Variants in ADAMTS9 observed in about 807,000 individuals in gnomAD.
ADAMTS9 encodes the protein A disintegrin and metalloproteinase with thrombospondin motifs 9.
In ADAMTS9, 107 loss-of-function variants were observed where a neutral mutation model predicts 257.1. The observed-to-expected ratio is 0.42, with a 90% CI of 0.36 to 0.49. The LOEUF is 0.49. Among genes scored for constraint, ADAMTS9 ranks in the 20% least tolerant of loss-of-function variants. The pLI is 0.03. For missense variants in ADAMTS9, 2,353 were observed against 2,469.1 expected, an observed-to-expected ratio of 0.95 and a Z score of 1.00; for synonymous variants, 982 against 880.9, an observed-to-expected ratio of 1.11 and a Z score of -2.03.
In ADAMTS9 at chr3:64,686,455, G is replaced by C; in HGVS notation, c.516+113C>G. 7.3e-7 allele frequency: 1 copy of C among 1,363,360 alleles called. No individual in the cohort carries two copies. The highest frequency in any genetic ancestry group is 1.5e-5 in the African/African-American group (1 of 68,042). 84.5% of individuals were successfully genotyped at this position (1,363,360 alleles called of 1,614,324 possible). The stretch of plus-strand genomic sequence containing the variant: ...AGTTTCTAGCTGATATTTAACGCCG[G>C]AGAGGAGCGGAGCCTCGCCACAGTG... On this transcript the variant is annotated intron_variant, in intron 2 of 39. Transcript: ENST00000498707. The surrounding 1 kb of genome is among the most constrained non-coding windows in gnomAD (Gnocchi z 4.6).
At chr3:64,603,791 A>T in intron 25 of ADAMTS9, 131 bp downstream of exon 25, 1 of 1,086,200 alleles carries the variant, frequency 9.2e-7, no homozygotes, top group Non-Finnish European at 1.3e-6. Flanking sequence ...AGCACAATTT[A>T]AATCATAAGA....
rs566788141 is a variant in ADAMTS9, at chr3:64,633,847, C to T, written c.1889G>A (p.Arg630His). 14 of 1,613,156 alleles carry T rather than the reference C, an allele frequency of 8.7e-6. No homozygotes were observed. The highest frequency in any genetic ancestry group is 3.3e-5 in the South Asian group (3 of 91,026). Residue 630 changes from arginine to histidine, a missense_variant, in exon 13 of 40, where the codon CGT (arginine) becomes CAT (histidine). Coordinates refer to ENST00000498707, the MANE Select transcript of ADAMTS9 (RefSeq NM_182920.2). ...GTTGCAGGACTTAAATTTCATTCTACGTCCTACACAGTATTTTCCACCATT... is the reference window on the plus strand; with the variant it reads ...GTTGCAGGACTTAAATTTCATTCTATGTCCTACACAGTATTTTCCACCATT... ...PKNGGKYCVG[R>H]RMKFKSCNTE...
intron 21 of ADAMTS9, 159 bp downstream of exon 21, chr3:64,615,162 T>C (rs2084737927): frequency 4.7e-6 from 4 of 846,258 alleles, no homozygotes; most frequent in East Asian, 2.6e-5. Context: ...ACGACAGTCA[T>C]GGTGCAGGCA....
At chr3:64,654,821 T>C (rs1052137967) in intron 6 of ADAMTS9, 12 of 583,078 alleles carry the variant, frequency 2.1e-5, no homozygotes, top group Admixed American at 1.9e-4. Context: ...TAAGAAGTTT[T>C]CTTCTGTGGT....
At chr3:64,532,588 G>A (rs1480205243) in intron 38 of ADAMTS9, among the ~76,000 whole-genome samples, 1 of 152,044 alleles carries the variant, frequency 6.6e-6, no homozygotes, top group East Asian at 1.9e-4. Flanking sequence ...GACTCACTAG[G>A]GTCTGGGACC....
At position 64,684,993 on chromosome 3, in the gene ADAMTS9, C is replaced by G. The variant is rs532213797; in HGVS notation, c.516+1575G>C. ...TGGCTTCTGCCTACCCGAGCCTTAA[C>G]CTTTCAAGGACCAGAAGGATTCCAG... On this transcript the variant is annotated intron_variant, in intron 2 of 39. Coordinates refer to ENST00000498707, the MANE Select transcript of ADAMTS9 (RefSeq NM_182920.2). The G allele has an allele frequency of 3.6e-4, 55 of 152,366 alleles. 1 individual carries two copies. The highest frequency in any genetic ancestry group is 1.3e-3 in the African/African-American group (53 of 41,556). 9.4% of individuals were successfully genotyped at this position (152,366 alleles called of 1,614,324 possible).
chr3:64,551,429 T>C (rs1252763449), intron 30 of ADAMTS9, among the ~76,000 whole-genome samples: 1 of 152,124 alleles, frequency 6.6e-6, no homozygotes, highest in African/African-American at 2.4e-5. Context: ...CAGGATGATC[T>C]CGATCTCCTG....
At chr3:64,638,385 A>G (rs566909709) in intron 12 of ADAMTS9, among the ~76,000 whole-genome samples, 46 of 152,288 alleles carry the variant, frequency 3.0e-4, no homozygotes, top group Non-Finnish European at 4.6e-4. Flanking sequence ...GGTACTGTTA[A>G]GCTATGTTTT....
At chr3:64,657,938 C>T (rs748102378) in intron 4 of ADAMTS9, among the ~76,000 whole-genome samples, 1 of 152,026 alleles carries the variant, frequency 6.6e-6, no homozygotes, top group Non-Finnish European at 1.5e-5. Flanking sequence ...AGAATGAAAG[C>T]CTCCTAGGCC....
At position 64,631,437 on chromosome 3, in the gene ADAMTS9, T is replaced by G. The variant is rs1700365238; in HGVS notation, c.2389+18A>C. On this transcript the variant is annotated intron_variant, in intron 16 of 39. Coordinates refer to ENST00000498707, the MANE Select transcript of ADAMTS9 (RefSeq NM_182920.2). ...CCATAGAACCAGAACTCGCAAGTAG[T>G]GAGGCATCCCATCTCACCTAAGTAG... The G allele has an allele frequency of 6.2e-7, 1 of 1,602,848 alleles. No homozygotes were observed. The highest frequency in any genetic ancestry group is 8.5e-7 in the Non-Finnish European group (1 of 1,169,820).
intron 32 of ADAMTS9, among the ~76,000 whole-genome samples, chr3:64,543,945 A>G (rs1463146748): frequency 6.6e-6 from 1 of 152,222 alleles, no homozygotes; most frequent in Non-Finnish European, 1.5e-5. Context: ...ACAATGTGCA[A>G]AAATCACAAG....
At chr3:64,537,753 T>G (rs1328215783) in intron 37 of ADAMTS9, among the ~76,000 whole-genome samples, 3 of 152,182 alleles carry the variant, frequency 2.0e-5, no homozygotes, top group Admixed American at 6.5e-5. Flanking sequence ...TTGACAGAGT[T>G]TAACAACAGC....
chr3:64,522,273 GCAT>G lies in ADAMTS9; in HGVS notation c.5719-16_5719-14del. Reference sequence around the variant, plus strand: ...CTCGGGTACCATCCTGCAAGGAGATGCATCATGTTAGCCTGCCTGCTTGGTTAA... The same window carrying G: ...CTCGGGTACCATCCTGCAAGGAGATGCATGTTAGCCTGCCTGCTTGGTTAA... On this transcript the variant is annotated splice_polypyrimidine_tract_variant and intron_variant, in intron 38 of 39. Coordinates refer to ENST00000498707, the MANE Select transcript of ADAMTS9 (RefSeq NM_182920.2). 6.2e-7 allele frequency: 1 copy of G among 1,612,682 alleles called. No homozygotes were observed. The highest frequency in any genetic ancestry group is 8.5e-7 in the Non-Finnish European group (1 of 1,178,804).
intron 8 of ADAMTS9, among the ~76,000 whole-genome samples, chr3:64,652,232 A>C (rs945962332): frequency 2.6e-5 from 4 of 152,184 alleles, no homozygotes; most frequent in African/African-American, 9.7e-5. Context: ...CATCATATAA[A>C]AGTTGGAATA....
chr3:64,604,849 T>TGC (rs2084530038), intron 23 of ADAMTS9, among the ~76,000 whole-genome samples: 1 of 152,230 alleles, frequency 6.6e-6, no homozygotes, highest in Admixed American at 6.5e-5. Context: ...CTGGACTTCA[T>TGC]ATAACACCCC....
chr3:64,653,203 C>T (rs1023921762), intron 8 of ADAMTS9, among the ~76,000 whole-genome samples: 6 of 152,068 alleles, frequency 3.9e-5, no homozygotes, highest in East Asian at 1.9e-4. Context: ...CAAGTCCCAC[C>T]GCCACTAAGC....
At chr3:64,606,403 TGGCAGCAC>T (rs1179604919) in intron 23 of ADAMTS9, among the ~76,000 whole-genome samples, 1 of 152,178 alleles carries the variant, frequency 6.6e-6, no homozygotes, top group African/African-American at 2.4e-5. Flanking sequence ...GAGAGATAGG[TGGCAGCAC>T]ACCCTTACAT....
intron 38 of ADAMTS9, among the ~76,000 whole-genome samples, chr3:64,528,001 C>T (rs142334009): frequency 4.6e-5 from 7 of 152,270 alleles, no homozygotes; most frequent in African/African-American, 1.4e-4. Context: ...GGTAACACAA[C>T]TTTCGTTATT....
At chr3:64,557,367 A>G (rs1332918512) in intron 30 of ADAMTS9, among the ~76,000 whole-genome samples, 1 of 152,220 alleles carries the variant, frequency 6.6e-6, no homozygotes, top group Non-Finnish European at 1.5e-5. Flanking sequence ...TATATGTCAG[A>G]TTGTGATACT....
Sources: allele counts gnomAD v4.1 joint callset (sites outside exome capture counted in the v4.1 genomes callset), GRCh38; gene constraint gnomAD v4.1.1; non-coding constraint Gnocchi (gnomAD v3.1); transcripts MANE v1.5; gene names NCBI Gene and HGNC (gene_info 2026-07-23, HGNC 2026-07-21).